The following WDR37 variants were observed in gnomAD, a reference collection of about 807,000 sequenced individuals.
WDR37 encodes the protein WD repeat domain 37.
In WDR37, 19 loss-of-function variants were observed where a neutral mutation model predicts 62.9. The observed-to-expected ratio is 0.30, with a 90% confidence interval of 0.21 to 0.44. The LOEUF (loss-of-function observed/expected upper bound fraction) is 0.44. Ranked by LOEUF, WDR37 falls within the 20% of genes least tolerant of loss-of-function variation. The pLI, the probability that WDR37 is intolerant of heterozygous loss-of-function variation, is 1.00. For synonymous variants in WDR37, 250 were observed against 260.9 expected, an observed-to-expected ratio of 0.96 and a Z score of 0.40; for missense variants, 474 against 657.6, an observed-to-expected ratio of 0.72 and a Z score of 3.05.
In WDR37 at chr10:1,105,044, T is replaced by G. The variant is rs1834959518; in HGVS notation, c.962-82T>G. ...TTCACAGTCTCAGAGAGACGGCTTC[T>G]TGGGTTCTTGTGCTGTTGAAAAGCG... On this transcript the variant is annotated intron_variant, in intron 10 of 13. Coordinates refer to ENST00000263150, the MANE Select transcript of WDR37 (RefSeq NM_014023.4). This position sits in a 1 kb window ranked among gnomAD's most constrained non-coding sequence, Gnocchi z 5.3. 4.5e-6 allele frequency: 7 copies of G among 1,543,000 alleles called. No homozygotes were observed. Among genetic ancestry groups the G allele is most frequent in the Non-Finnish European group, 5.3e-6 (6 of 1,132,408 alleles).
At chr10:1,071,790 A>G (rs1320384893) in intron 1 of WDR37, among the ~76,000 whole-genome samples, 7 of 152,326 alleles carry the variant, frequency 4.6e-5, no homozygotes, top group Non-Finnish European at 1.0e-4. Flanking sequence ...AGAATATGCA[A>G]TTAACATTGG....
At position 1,096,399 on chromosome 10, in the gene WDR37, G is replaced by T. The variant is rs1005397201; in HGVS notation, c.726+153G>T. On this transcript the variant is annotated intron_variant, in intron 9 of 13. Coordinates refer to ENST00000263150, the MANE Select transcript of WDR37 (RefSeq NM_014023.4). ...CCGGTATGGTTGAATTTGGAGATTG[G>T]GCCTCTAAGGTAGTAGTTAAGGTTC... 16 of 764,320 alleles carry T rather than the reference G, an allele frequency of 2.1e-5. No individual in the cohort carries two copies. In the African/African-American group the frequency reaches 2.4e-4, roughly 11 times the overall value. 47.3% of individuals were successfully genotyped at this position (764,320 alleles called of 1,614,324 possible). A position where few individuals can be genotyped will look rare whatever the true frequency, so the allele number is the denominator to read the frequency against.
chr10:1,101,436 G>T (rs1834798458), intron 9 of WDR37, among the ~76,000 whole-genome samples: 1 of 152,138 alleles, frequency 6.6e-6, no homozygotes, highest in Non-Finnish European at 1.5e-5. Flanking sequence ...TATTGGAATA[G>T]GATCCACTCT....
In WDR37 at chr10:1,121,134, C is replaced by T. The variant is rs1281585525; in HGVS notation, c.1104-3084C>T. On this transcript the variant is annotated intron_variant, in intron 11 of 13. Coordinates refer to ENST00000263150, the MANE Select transcript of WDR37 (RefSeq NM_014023.4). The surrounding 1 kb of genome is among the most constrained non-coding windows in gnomAD (Gnocchi z 4.5). ...TGGGCTGAGGGTGCCTTGGAAACTGCTGCCTCTTTGCCAGTTCTTTTTTCT... is the reference window on the plus strand; with the variant it reads ...TGGGCTGAGGGTGCCTTGGAAACTGTTGCCTCTTTGCCAGTTCTTTTTTCT... Among the ~76,000 whole-genome samples the T allele has an allele frequency of 6.6e-6, 1 of 152,262 alleles. No individual in the cohort carries two copies. The highest frequency in any genetic ancestry group is 1.5e-5 in the Non-Finnish European group (1 of 68,050).
chr10:1,129,138 A>G, intron 13 of WDR37, 75 bp from the exon 14 acceptor site: 1 of 1,580,348 alleles, frequency 6.3e-7, no homozygotes, highest in South Asian at 1.2e-5. Context: ...TGATGTGGTT[A>G]TTCATTTCGC....
intron 5 of WDR37, among the ~76,000 whole-genome samples, chr10:1,084,095 G>GTT (rs1834116116): frequency 6.6e-6 from 1 of 152,182 alleles, no homozygotes; most frequent in Admixed American, 6.5e-5. Flanking sequence ...GTTTGGGGGA[G>GTT]AGGACCTGAA....
Position 1,103,726 on chromosome 10 carries a change from T to C in WDR37, c.851T>C (p.Val284Ala). 6.2e-7 allele frequency: 1 copy of C among 1,614,210 alleles called. No individual in the cohort carries two copies. The highest frequency in any genetic ancestry group is 8.5e-7 in the Non-Finnish European group (1 of 1,180,046). ...TCCCTCAAGAGCCACCAGGGCGTGG[T>C]CATCGCCTCCGACTGGCTGGTTGGG... ...LTSLKSHQGVVIASDWLVGGK... is the reference protein window; with the variant it reads ...LTSLKSHQGVAIASDWLVGGK... Residue 284 changes from valine (V) to alanine (A), a missense_variant, in exon 10 of 14, where the codon GTC becomes GCC. By Grantham distance (64) the Val-to-Ala change is moderately conservative. Coordinates refer to ENST00000263150, the MANE Select transcript of WDR37 (RefSeq NM_014023.4). This position sits in a 1 kb window ranked among gnomAD's most constrained non-coding sequence, Gnocchi z 6.3.
At position 1,059,626 on chromosome 10, in the gene WDR37, G is replaced by A. The variant is rs1004914417; in HGVS notation, c.-41+2658G>A. Among the ~76,000 whole-genome samples, 4 of 151,788 alleles carry A rather than the reference G, an allele frequency of 2.6e-5. No individual in the cohort carries two copies. In the South Asian group the frequency reaches 8.3e-4, roughly 32 times the overall value. On this transcript the variant is annotated intron_variant, in intron 1 of 13. Transcript: ENST00000263150. ...AGCCTGGCCAGGATGGTGAAACCCC[G>A]TATCTACTGAAAATACAAAAAATTA...
Position 1,129,681 on chromosome 10 carries a change from T to TACACTA in WDR37, c.*337_*338insACACTA. 5.2e-6 allele frequency: 1 copy of TACACTA among 191,682 alleles called. No individual in the cohort carries two copies. The highest frequency in any genetic ancestry group is 1.1e-5 in the Non-Finnish European group (1 of 92,240). 11.9% of individuals were successfully genotyped at this position (191,682 alleles called of 1,614,324 possible). A position where few individuals can be genotyped will look rare whatever the true frequency, so the allele number is the denominator to read the frequency against. ...TTTGTGTGAATTAAATGTGAACTTC[T>TACACTA]GTATTACGTTGCGGCGTCGGCAGTC... is the stretch of plus-strand genomic sequence containing the variant. On this transcript the variant is annotated 3_prime_UTR_variant, in exon 14 of 14. Transcript: ENST00000263150.
rs1391542826 is a variant in WDR37, at chr10:1,080,031, C to G, written c.256C>G (p.Leu86Val). ...CCCAGTACGTAGAGAAATCGACACTCTTAATGAACGTTTAGCTGCTGAAGG... is the reference window on the plus strand; with the variant it reads ...CCCAGTACGTAGAGAAATCGACACTGTTAATGAACGTTTAGCTGCTGAAGG... ...NLELRREIDT[L>V]NERLAAEGQA... Residue 86 changes from leucine (L) to valine (V), a missense_variant, in exon 4 of 14, where the codon CTT (leucine) becomes GTT (valine). Physicochemically the swap from Leu to Val is conservative, Grantham distance 32. Transcript: ENST00000263150. 5.6e-6 allele frequency: 9 copies of G among 1,614,114 alleles called. No individual in the cohort carries two copies. The highest frequency in any genetic ancestry group is 3.3e-5 in the Admixed American group (2 of 60,016).
intron 11 of WDR37, among the ~76,000 whole-genome samples, chr10:1,120,394 G>C (rs1424146280): frequency 4.6e-5 from 7 of 152,248 alleles, no homozygotes; most frequent in Non-Finnish European, 1.0e-4. Flanking sequence ...CGGGGGTCCT[G>C]GCTGGCTTAT....
At chr10:1,092,857 C>T (rs1361795609) in intron 7 of WDR37, among the ~76,000 whole-genome samples, 9 of 101,052 alleles carry the variant, frequency 8.9e-5, no homozygotes, top group African/African-American at 3.3e-4. Context: ...GCAACCAGAG[C>T]AAGACCCTAT....
chr10:1,086,529 A>G (rs1160445389), intron 7 of WDR37, among the ~76,000 whole-genome samples, 172 bp downstream of exon 7: 2 of 152,226 alleles, frequency 1.3e-5, no homozygotes, highest in Non-Finnish European at 2.9e-5. Flanking sequence ...TTGAGCTTGT[A>G]TGGGCTCAAT....
In WDR37 at chr10:1,132,251, ACAT is replaced by A. The variant is rs1291945139; in HGVS notation, c.*2910_*2912del. 6.6e-6 allele frequency: 1 copy of A among 152,214 alleles called. No homozygotes were observed. Among genetic ancestry groups the A allele is most frequent in the Non-Finnish European group, 1.5e-5 (1 of 68,028 alleles). The allele number at this position is 152,214 out of a possible 1,614,324, so 9.4% of individuals were successfully genotyped here. On this transcript the variant is annotated 3_prime_UTR_variant, in exon 14 of 14. Coordinates refer to ENST00000263150, the MANE Select transcript of WDR37 (RefSeq NM_014023.4). ...TGAAACATTGTGAATGACTATATAA[ACAT>A]CACGATGAGCTAGAAATTGAACAAA...
chr10:1,083,447 A>G (rs757080114), intron 5 of WDR37, among the ~76,000 whole-genome samples: 1 of 152,236 alleles, frequency 6.6e-6, no homozygotes, highest in East Asian at 1.9e-4. Context: ...TGTGTTTTTC[A>G]GGGCTATGCC....
At chr10:1,081,837 C>G (rs1282216421) in intron 5 of WDR37, among the ~76,000 whole-genome samples, 1 of 151,954 alleles carries the variant, frequency 6.6e-6, no homozygotes, top group Admixed American at 6.6e-5. Context: ...AATGTATGGT[C>G]TTGGAATTCC....
intron 7 of WDR37, among the ~76,000 whole-genome samples, chr10:1,092,994 G>T (rs1247054819): frequency 6.6e-6 from 1 of 151,954 alleles, no homozygotes; most frequent in Non-Finnish European, 1.5e-5. Flanking sequence ...GCTGGCAGAG[G>T]TTATACTCTC....
intron 5 of WDR37, among the ~76,000 whole-genome samples, chr10:1,080,778 T>C (rs1589088941): frequency 1.3e-5 from 2 of 151,812 alleles, no homozygotes; most frequent in Non-Finnish European, 2.9e-5. Flanking sequence ...TGGTGGCGGG[T>C]GCCTGTAATC....
chr10:1,064,664 C>T (rs928372885), intron 1 of WDR37, among the ~76,000 whole-genome samples: 2 of 127,594 alleles, frequency 1.6e-5, no homozygotes, highest in Non-Finnish European at 3.1e-5. Flanking sequence ...GGTGTGATCT[C>T]AGCTCACTAC....
Sources: gnomAD v4.1 joint callset for allele counts (sites outside exome capture counted in the v4.1 genomes callset) on GRCh38, gnomAD v4.1.1 for gene constraint, Gnocchi (gnomAD v3.1) non-coding constraint, MANE v1.5 for transcripts, NCBI Gene and HGNC (gene_info 2026-07-23, HGNC 2026-07-21) for gene names.